The following RBM19 variants were observed in gnomAD, a reference collection of about 807,000 sequenced individuals.
RBM19 encodes probable RNA-binding protein 19.
Under a neutral mutation model 116.8 loss-of-function variants are expected in RBM19, and 94 were observed. The observed-to-expected ratio is 0.80, with a 90% CI of 0.68 to 0.95. The LOEUF is 0.95. RBM19 is among the 40% of genes least tolerant of loss of function. RBM19 has a pLI of 0.00. For synonymous variants in RBM19, 475 were observed against 494.1 expected, an observed-to-expected ratio of 0.96 and a Z score of 0.51; for missense variants, 1,161 against 1,220.7, an observed-to-expected ratio of 0.95 and a Z score of 0.73.
intron 16 of RBM19, among the ~76,000 whole-genome samples, chr12:113,928,414 G>GCAAACA (rs1363722576): frequency 6.8e-5 from 3 of 44,008 alleles, no homozygotes; most frequent in Non-Finnish European, 1.4e-4. Flanking sequence ...ACATACATGT[G>GCAAACA]CATACACACA....
At chr12:113,876,143 C>T (rs370159200) in intron 21 of RBM19, among the ~76,000 whole-genome samples, 2 of 152,190 alleles carry the variant, frequency 1.3e-5, no homozygotes, top group Admixed American at 6.5e-5. Context: ...ATTCAAGTCC[C>T]GCATTAAACA....
chr12:113,861,513 T>TGTGTGTGTGTGTGTGTGTGA (rs1320114571), intron 21 of RBM19, among the ~76,000 whole-genome samples: 1 of 143,880 alleles, frequency 7.0e-6, no homozygotes, highest in East Asian at 2.0e-4. Flanking sequence ...TGTGTGTGTG[T>TGTGTGTGTGTGTGTGTGTGA]GAAGGAGAGA....
chr12:113,895,766 A>C (rs1332703618), intron 21 of RBM19, among the ~76,000 whole-genome samples: 2 of 151,896 alleles, frequency 1.3e-5, no homozygotes, highest in African/African-American at 4.8e-5. Context: ...TTCATGTTTT[A>C]ATTGTGCAAC....
At position 113,957,844 on chromosome 12, in the gene RBM19, C is replaced by G; in HGVS notation, c.778G>C (p.Gly260Arg). The part of the protein sequence containing the change: ...TPVLQERDSK[G>R]AGQEQGMPAG... ...GGCATCCCTTGCTCTTGGCCTGCAC[C>G]CTTGCTGTCTCTTTCCTGCAGGACT... The change falls in exon 6 of 24, where the codon GGT becomes CGT. Residue 260 changes from glycine to arginine, a missense_variant. Physicochemically the swap from Gly to Arg is moderately radical, Grantham distance 125 (BLOSUM62 -2). Coordinates refer to ENST00000261741, the MANE Select transcript of RBM19 (RefSeq NM_016196.4). 1 of 1,613,932 alleles carries G rather than the reference C, an allele frequency of 6.2e-7. No homozygotes were observed. Among genetic ancestry groups the G allele is most frequent in the East Asian group, 2.2e-5 (1 of 44,850 alleles).
intron 23 of RBM19, among the ~76,000 whole-genome samples, chr12:113,830,575 C>CGG (rs1232420079): frequency 1.2e-3 from 15 of 12,086 alleles, no homozygotes; most frequent in Admixed American, 3.2e-3. Context: ...GGCTGCGGGG[C>CGG]GGGGGGGGGG....
chr12:113,963,194 G>A (rs1872641549), intron 1 of RBM19, among the ~76,000 whole-genome samples: 1 of 152,180 alleles, frequency 6.6e-6, no homozygotes, highest in Non-Finnish European at 1.5e-5. Flanking sequence ...AGGATTGTCT[G>A]GATTGTTTAA....
At chr12:113,939,840 C>A (rs747986048) in intron 15 of RBM19, 120 bp downstream of exon 15, 2 of 1,025,132 alleles carry the variant, frequency 2.0e-6, no homozygotes, top group Admixed American at 2.2e-5. Context: ...TCGTGACGGG[C>A]GGTTTAGGGT....
intron 22 of RBM19, among the ~76,000 whole-genome samples, chr12:113,846,501 G>A (rs1415077916): frequency 6.6e-6 from 1 of 152,180 alleles, no homozygotes; most frequent in East Asian, 1.9e-4. Context: ...AATGACTAGT[G>A]TCATTGGATG....
At chr12:113,893,169 C>T (rs1881072894) in intron 21 of RBM19, among the ~76,000 whole-genome samples, 1 of 152,010 alleles carries the variant, frequency 6.6e-6, no homozygotes, top group Non-Finnish European at 1.5e-5. Context: ...GTAACTGGCA[C>T]TACAGACACA....
intron 16 of RBM19, chr12:113,927,439 G>A (rs1869188232): frequency 1.8e-6 from 1 of 564,860 alleles, no homozygotes; most frequent in Non-Finnish European, 3.1e-6. Flanking sequence ...TGCCCCTGCT[G>A]TGTTGTAAAG....
chr12:113,940,196 G>T, intron 14 of RBM19, 36 bp from the exon 15 acceptor site: 1 of 1,584,782 alleles, frequency 6.3e-7, no homozygotes, highest in South Asian at 1.1e-5. Flanking sequence ...GGGACCACAG[G>T]AGGGAGGAGG....
intron 16 of RBM19, among the ~76,000 whole-genome samples, chr12:113,928,222 A>T (rs1417723937): frequency 1.3e-5 from 2 of 152,116 alleles, no homozygotes; most frequent in Non-Finnish European, 2.9e-5. Flanking sequence ...CTATGATCCC[A>T]GCTACTTGGG....
At chr12:113,956,752 T>C (rs555010932) in intron 6 of RBM19, among the ~76,000 whole-genome samples, 1 of 152,168 alleles carries the variant, frequency 6.6e-6, no homozygotes, top group East Asian at 1.9e-4. Context: ...CCCACGTTTA[T>C]GATCTCGACT....
chr12:113,952,668 C>T, intron 7 of RBM19, 78 bp from the exon 8 acceptor site: 1 of 1,163,676 alleles, frequency 8.6e-7, no homozygotes, highest in Non-Finnish European at 1.3e-6. Context: ...GGGCAAATTT[C>T]TAAATCAGAA....
rs762202682 is a variant in RBM19, at chr12:113,960,141, G to A, written c.257C>T (p.Pro86Leu). 18 of 1,613,948 alleles carry A rather than the reference G, an allele frequency of 1.1e-5. No homozygotes were observed. The Admixed American group carries it at 1.5e-4, about 13-fold the overall frequency. The change falls in exon 3 of 24, where the codon CCC (proline) becomes CTC (leucine). Residue 86 changes from proline to leucine, a missense_variant. Transcript: ENST00000261741. ...FCKSFGDPAKPRAWSKHAQKP... is the reference protein window; with the variant it reads ...FCKSFGDPAKLRAWSKHAQKP... ...CTGGGCATGTTTGCTCCAGGCTCTG[G>A]GTTTGGCCGGGTCCCCGAATGACTT...
intron 21 of RBM19, among the ~76,000 whole-genome samples, chr12:113,906,482 C>T (rs558365604): frequency 5.3e-5 from 8 of 152,128 alleles, no homozygotes; most frequent in Admixed American, 6.5e-5. Context: ...TGGCAGGAGG[C>T]GCTGGGCAGG....
chr12:113,937,315 T>G, intron 15 of RBM19, 179 bp from the exon 16 acceptor site: 1 of 655,310 alleles, frequency 1.5e-6, no homozygotes, highest in Non-Finnish European at 2.5e-6. Flanking sequence ...GAGGACAACA[T>G]TCGGCCCCCA....
intron 20 of RBM19, among the ~76,000 whole-genome samples, chr12:113,916,747 G>GTGTA (rs1182360125): frequency 6.6e-6 from 1 of 152,208 alleles, no homozygotes; most frequent in Admixed American, 6.5e-5. Context: ...AGCCATGTGA[G>GTGTA]TGTATCATCT....
At chr12:113,915,334 G>A (rs1029117934) in intron 20 of RBM19, among the ~76,000 whole-genome samples, 1 of 152,042 alleles carries the variant, frequency 6.6e-6, no homozygotes, top group African/African-American at 2.4e-5. Context: ...GAGACTCCGG[G>A]GCCACCAGGG....
Sources: allele counts gnomAD v4.1 joint callset (sites outside exome capture counted in the v4.1 genomes callset), GRCh38; gene constraint gnomAD v4.1.1; transcripts MANE v1.5; gene names NCBI Gene and HGNC (gene_info 2026-07-23, HGNC 2026-07-21).